The following CD72 variants were observed in gnomAD, a reference collection of about 807,000 sequenced individuals.
CD72 encodes the protein B-cell differentiation antigen CD72.
CD72 carries 28 observed loss-of-function variants against 50.7 expected under a neutral mutation model. The ratio of observed to expected loss-of-function variants is 0.55; its 90% confidence interval spans 0.41 to 0.76. The LOEUF (loss-of-function observed/expected upper bound fraction) is 0.76. Among genes scored for constraint, CD72 ranks in the 30% least tolerant of loss-of-function variants. CD72 has a pLI of 0.00. For synonymous variants in CD72, 176 were observed against 171.2 expected (o/e 1.03, Z -0.22); for missense variants, 403 against 420.6 (o/e 0.96, Z 0.37).
chr9:35,623,132 A>T (rs968677715), upstream of CD72, among the ~76,000 whole-genome samples: 18 of 152,166 alleles, frequency 1.2e-4, no homozygotes, highest in Non-Finnish European at 2.1e-4. Flanking sequence ...AAATTAAAAT[A>T]AAAAAAAGAT....
At position 35,616,071 on chromosome 9, in the gene CD72, G is replaced by T; in HGVS notation, c.560C>A (p.Ala187Asp). The change falls in exon 5 of 9, where the codon GCC (alanine) becomes GAC (aspartate). Residue 187 changes from alanine (A) to aspartate (D), a missense_variant. Physicochemically the swap from Ala to Asp is moderately radical, Grantham distance 126 (BLOSUM62 -2). Transcript: ENST00000259633. ...AHQAAEGQLQ[A>D]CQADRQKTKE... Reference sequence around the variant, plus strand: ...CGTCTTCTGTCTGTCTGCCTGGCAGGCCTGTAGCTGCCCTTCGGCCGCCTG... The same window carrying T: ...CGTCTTCTGTCTGTCTGCCTGGCAGTCCTGTAGCTGCCCTTCGGCCGCCTG... 1 of 1,614,080 alleles carries T rather than the reference G, an allele frequency of 6.2e-7. No homozygotes were observed. Among genetic ancestry groups the T allele is most frequent in the Non-Finnish European group, 8.5e-7 (1 of 1,179,992 alleles).
At chr9:35,628,387 T>C (rs1157674116) in intron 1 of CD72, among the ~76,000 whole-genome samples, 2 of 152,222 alleles carry the variant, frequency 1.3e-5, no homozygotes. Context: ...GGTCAGGAGC[T>C]CGAGACCATC....
At position 35,616,416 on chromosome 9, in the gene CD72, G is replaced by A. The variant is rs537312979; in HGVS notation, c.353-138C>T. 7.3e-5 allele frequency: 62 copies of A among 845,746 alleles called. No individual in the cohort carries two copies. In the East Asian group the frequency reaches 1.3e-3, roughly 18 times the overall value. 52.4% of individuals were successfully genotyped at this position (845,746 alleles called of 1,614,324 possible). Reference sequence around the variant, plus strand: ...AATACAAGATTTGACTGACTAAAGCGTAAGGAGGTACTGGATTAGGTGAGG... The same window carrying A: ...AATACAAGATTTGACTGACTAAAGCATAAGGAGGTACTGGATTAGGTGAGG... On this transcript the variant is annotated intron_variant, in intron 4 of 8. Transcript: ENST00000259633.
At chr9:35,616,971 A>G (rs544491196) in intron 3 of CD72, 1 of 1,439,580 alleles carries the variant, frequency 6.9e-7, no homozygotes, top group South Asian at 1.5e-5. Flanking sequence ...CAGGTAGGTG[A>G]ATTGGGACCA....
Position 35,637,436 on chromosome 9 carries a change from G to A in CD72, n.408+8967C>T, listed in dbSNP as rs190052665. On this transcript the variant is annotated intron_variant and non_coding_transcript_variant, in intron 1 of 3. Transcript: ENST00000465754. The stretch of plus-strand genomic sequence containing the variant: ...TGTGAGGAGATCCACCTACAACCTC[G>A]GGTCCTCAGACCAACCAGCCCAAGG... Among the ~76,000 whole-genome samples the A allele has an allele frequency of 7.3e-4, 111 of 152,262 alleles. 1 individual carries two copies. The highest frequency in any genetic ancestry group is 2.1e-4 in the Non-Finnish European group (14 of 68,014).
At chr9:35,624,041 A>G (rs1013772489), upstream of CD72, among the ~76,000 whole-genome samples, 10 of 151,312 alleles carry the variant, frequency 6.6e-5, no homozygotes, top group African/African-American at 1.5e-4. Context: ...ATGAAACCCC[A>G]TCTCTACTAA....
At chr9:35,627,458 C>CAA (rs34311830) in intron 1 of CD72, among the ~76,000 whole-genome samples, 67 of 150,214 alleles carry the variant, frequency 4.5e-4, no homozygotes, top group Middle Eastern at 6.8e-3. Flanking sequence ...CATTGGGAAA[C>CAA]AAAAAAAAAA....
intron 2 of CD72, 119 bp downstream of exon 2, chr9:35,617,895 C>T: frequency 1.4e-6 from 1 of 737,576 alleles, no homozygotes; most frequent in Non-Finnish European, 2.5e-6. Context: ...CACACCACTG[C>T]ACTCCAGCCT....
At chr9:35,618,545 A>G (rs565032816), upstream of CD72, 19 of 923,310 alleles carry the variant, frequency 2.1e-5, no homozygotes, top group Non-Finnish European at 3.2e-5. Context: ...GGGGACGCTG[A>G]GGTCCAGAAC....
At position 35,632,195 on chromosome 9, in the gene CD72, T is replaced by G. The variant is rs190768020; in HGVS notation, n.409-14074A>C. Among the ~76,000 whole-genome samples the G allele has an allele frequency of 2.0e-3, 304 of 152,008 alleles. 1 individual carries two copies. Among genetic ancestry groups the G allele is most frequent in the Non-Finnish European group, 2.2e-3 (152 of 67,942 alleles). On this transcript the variant is annotated intron_variant and non_coding_transcript_variant, in intron 1 of 3. Coordinates refer to the CD72 transcript ENST00000465754. ...CAATTTTCTCCTCTTTTTTTTTTTTTGAGACGGAGTATCGCTCTGTCACCC... is the reference window on the plus strand; with the variant it reads ...CAATTTTCTCCTCTTTTTTTTTTTTGGAGACGGAGTATCGCTCTGTCACCC...
chr9:35,624,257 AATAAT>A (rs1162835280), upstream of CD72, among the ~76,000 whole-genome samples: 3 of 143,240 alleles, frequency 2.1e-5, no homozygotes, highest in South Asian at 2.1e-4. Context: ...TAATAATAAT[AATAAT>A]AAATTTAATT....
exon 1 of CD72, chr9:35,646,520 G>A (rs1442061380): frequency 6.6e-6 from 1 of 152,314 alleles, no homozygotes; most frequent in Non-Finnish European, 1.5e-5. Flanking sequence ...AATCAATAGG[G>A]AAACTGCCCA....
rs369287031 is a variant in CD72, at chr9:35,618,069, G to A, written c.135C>T (p.Pro45=). 2.9e-5 allele frequency: 46 copies of A among 1,613,952 alleles called. No homozygotes were observed. The highest frequency in any genetic ancestry group is 2.3e-4 in the African/African-American group (17 of 74,904). ...GEITYENVQV[P]AVLGVPSSLA... ...AGCTTGAGGGCACCCCTAGGACTGCGGGCACTTGAACATTCTCGTAGGTGA... is the reference window on the plus strand; with the variant it reads ...AGCTTGAGGGCACCCCTAGGACTGCAGGCACTTGAACATTCTCGTAGGTGA... The change falls in exon 2 of 9, where the codon CCC becomes CCT. Residue 45 remains proline (P), a synonymous_variant. Transcript: ENST00000259633.
At chr9:35,612,666 GTGC>G (rs1191289703) in intron 6 of CD72, 179 bp downstream of exon 6, 1 of 612,138 alleles carries the variant, frequency 1.6e-6, no homozygotes, top group East Asian at 2.7e-5. Flanking sequence ...CTGGACCACT[GTGC>G]TGAGAAGATG....
chr9:35,628,436 C>CA (rs1329668032), intron 1 of CD72, among the ~76,000 whole-genome samples: 10 of 152,224 alleles, frequency 6.6e-5, no homozygotes, highest in South Asian at 2.1e-4. Flanking sequence ...ACTAAAAATA[C>CA]AAAAAAATTT....
At position 35,610,091 on chromosome 9, in the gene CD72, G is replaced by C. The variant is rs373018804; in HGVS notation, c.*232C>G. ...CCATTCTACCATGGGAAGTTCTTGG[G>C]GGGAGGCCAAAGTCCCTTCTAGAGG... On this transcript the variant is annotated 3_prime_UTR_variant, in exon 9 of 9. Transcript: ENST00000259633. The C allele has an allele frequency of 7.6e-6, 2 of 262,868 alleles. No individual in the cohort carries two copies. The highest frequency in any genetic ancestry group is 5.1e-5 in the Admixed American group (1 of 19,642). The allele number at this position is 262,868 out of a possible 1,614,324, so 16.3% of individuals were successfully genotyped here.
Position 35,610,127 on chromosome 9 carries a change from CT to C in CD72, c.*195del. 1.3e-5 allele frequency: 3 copies of C among 222,620 alleles called. No individual in the cohort carries two copies. Among genetic ancestry groups the C allele is most frequent in the Non-Finnish European group, 1.8e-5 (2 of 113,980 alleles). 13.8% of individuals were successfully genotyped at this position (222,620 alleles called of 1,614,324 possible). ...AGTCCCTTCTAGAGGTGGCTTCACCCTTTTCCCAGGAACAGTCCAGTTTCAG... is the reference window on the plus strand; with the variant it reads ...AGTCCCTTCTAGAGGTGGCTTCACCCTTTCCCAGGAACAGTCCAGTTTCAG... On this transcript the variant is annotated 3_prime_UTR_variant, in exon 9 of 9. Coordinates refer to ENST00000259633, the MANE Select transcript of CD72 (RefSeq NM_001782.3).
chr9:35,612,954 C>A lies in CD72; in HGVS notation c.728G>T (p.Ser243Ile). The A allele has an allele frequency of 6.2e-7, 1 of 1,613,920 alleles. No homozygotes were observed. The change falls in exon 6 of 9, where the codon AGC becomes ATC. Residue 243 changes from serine to isoleucine, a missense_variant. By Grantham distance (142) the Ser-to-Ile change is moderately radical. Coordinates refer to ENST00000259633, the MANE Select transcript of CD72 (RefSeq NM_001782.3). ...TGAAGTAAGTGAGATGTAAAAGCAGCTTTTCTGATGCATTATCCATCCCGA... is the reference window on the plus strand; with the variant it reads ...TGAAGTAAGTGAGATGTAAAAGCAGATTTTCTGATGCATTATCCATCCCGA... ...CPSGWIMHQK[S>I]CFYISLTSKN... is the part of the protein sequence containing the mutation.
At chr9:35,631,772 C>A (rs533431799) in intron 1 of CD72, among the ~76,000 whole-genome samples, 5 of 152,120 alleles carry the variant, frequency 3.3e-5, no homozygotes, top group Admixed American at 1.3e-4. Flanking sequence ...CACCTGTAAT[C>A]CCAGCTACTC....
Sources: gnomAD v4.1 joint callset for allele counts (sites outside exome capture counted in the v4.1 genomes callset) on GRCh38, gnomAD v4.1.1 for gene constraint, MANE v1.5 for transcripts, NCBI Gene and HGNC (gene_info 2026-07-23, HGNC 2026-07-21) for gene names.